RLBP1: variants seen among roughly 807,000 people sequenced by gnomAD.
The protein encoded by RLBP1 is retinaldehyde binding protein 1.
In RLBP1, 26 loss-of-function variants were observed where a neutral mutation model predicts 36.2. The ratio of observed to expected loss-of-function variants is 0.72; its 90% CI spans 0.53 to 1.00. The LOEUF (loss-of-function observed/expected upper bound fraction) is 1.00. Among genes scored for constraint, RLBP1 ranks in the 50% least tolerant of loss-of-function variants. RLBP1 has a pLI of 0.00. For synonymous variants in RLBP1, 155 were observed against 156.2 expected (o/e 0.99, Z 0.06); for missense variants, 410 against 402.4 (o/e 1.02, Z -0.16).
intron 6 of RLBP1, 29 bp downstream of exon 6, chr15:89,215,031 G>A (rs765922962): frequency 1.9e-6 from 3 of 1,612,234 alleles, no homozygotes; most frequent in Non-Finnish European, 2.5e-6. Flanking sequence ...CCAGCCCACA[G>A]GGTGGGAGCC....
In RLBP1 at chr15:89,210,819, C is replaced by T; in HGVS notation, c.685-10G>A. On this transcript the variant is annotated splice_polypyrimidine_tract_variant and intron_variant, in intron 7 of 8. Transcript: ENST00000268125. The surrounding 1 kb of genome is among the most constrained non-coding windows in gnomAD (Gnocchi z 4.7). ...GGGCTGGGAAGGAATCCTGCGGTGA[C>T]AGAGAGATACCCCGTTCCCCATGGC... 6.4e-7 allele frequency: 1 copy of T among 1,554,106 alleles called. No homozygotes were observed. Among genetic ancestry groups the T allele is most frequent in the Non-Finnish European group, 8.8e-7 (1 of 1,141,700 alleles).
Position 89,209,945 on chromosome 15 carries a change from T to C in RLBP1, c.*340A>G. On this transcript the variant is annotated 3_prime_UTR_variant, in exon 9 of 9. Transcript: ENST00000268125. ...ATTTTAACCCGGGCTCCTTGCCTGTTTTCACAGACTCTAAGTCGTAAAACT... is the reference window on the plus strand; with the variant it reads ...ATTTTAACCCGGGCTCCTTGCCTGTCTTCACAGACTCTAAGTCGTAAAACT... 1 of 352,718 alleles carries C rather than the reference T, an allele frequency of 2.8e-6. No homozygotes were observed. The highest frequency in any genetic ancestry group is 3.0e-5 in the South Asian group (1 of 33,528). 21.8% of individuals were successfully genotyped at this position (352,718 alleles called of 1,614,324 possible). A position where few individuals can be genotyped will look rare whatever the true frequency, so the allele number is the denominator to read the frequency against.
rs767601073 is a variant in RLBP1 at position 89,217,224 on chromosome 15, G to T, written c.242C>A (p.Ala81Glu). The T allele has an allele frequency of 6.2e-7, 1 of 1,612,800 alleles. No homozygotes were observed. ...TTGCACCCTCTCCGCCACGGCCACC[G>T]CCAGCTCCTCCCCCGAGGCCGCCTG... Reference protein sequence around the residue: ...QAQAASGEELAVAVAERVQEK... With the variant: ...QAQAASGEELEVAVAERVQEK... Residue 81 changes from alanine to glutamate, a missense_variant, in exon 5 of 9, where the codon GCG becomes GAG. Physicochemically the swap from Ala to Glu is moderately radical, Grantham distance 107 (BLOSUM62 -1). Transcript: ENST00000268125.
intron 5 of RLBP1, among the ~76,000 whole-genome samples, chr15:89,216,793 C>T (rs2051584367): frequency 6.6e-6 from 1 of 152,222 alleles, no homozygotes; most frequent in Admixed American, 6.5e-5. Flanking sequence ...AGAGCCAAAG[C>T]TTAGGTTCTC....
chr15:89,218,854 C>T lies in RLBP1; in HGVS notation c.12+110G>A, dbSNP rs2051604357. On this transcript the variant is annotated intron_variant, in intron 3 of 8. Coordinates refer to ENST00000268125, the MANE Select transcript of RLBP1 (RefSeq NM_000326.5). This position sits in a 1 kb window ranked among gnomAD's most constrained non-coding sequence, Gnocchi z 4.6. ...ACACAGGGGTTATAGAAGTGTGTGC[C>T]TATATTCCCGGGCAGAGCATAAGAT... is the stretch of plus-strand genomic sequence containing the variant. 3.3e-6 allele frequency: 5 copies of T among 1,506,006 alleles called. No homozygotes were observed. Among genetic ancestry groups the T allele is most frequent in the African/African-American group, 1.4e-5 (1 of 72,976 alleles). The allele number at this position is 1,506,006 out of a possible 1,614,324, so 93.3% of individuals were successfully genotyped here. A position where few individuals can be genotyped will look rare whatever the true frequency, so the allele number is the denominator to read the frequency against.
At chr15:89,216,232 T>C (rs1279276594) in intron 5 of RLBP1, among the ~76,000 whole-genome samples, 1 of 152,016 alleles carries the variant, frequency 6.6e-6, no homozygotes, top group Non-Finnish European at 1.5e-5. Context: ...AAAAGGAAAA[T>C]CATTAGCCTG....
At position 89,218,069 on chromosome 15, in the gene RLBP1, C is replaced by G. The variant is rs1464873355; in HGVS notation, c.141+496G>C. On this transcript the variant is annotated intron_variant, in intron 4 of 8. Transcript: ENST00000268125. The surrounding 1 kb of genome is among the most constrained non-coding windows in gnomAD (Gnocchi z 4.6). Reference sequence around the variant, plus strand: ...CCACTTCTCATCCTCCCCAGCAGCCCTAAGACAGCTCTGTCAGCCTCCACA... The same window carrying G: ...CCACTTCTCATCCTCCCCAGCAGCCGTAAGACAGCTCTGTCAGCCTCCACA... Among the ~76,000 whole-genome samples the G allele has an allele frequency of 6.6e-6, 1 of 152,206 alleles. No homozygotes were observed. The highest frequency in any genetic ancestry group is 1.5e-5 in the Non-Finnish European group (1 of 68,038).
At position 89,211,876 on chromosome 15, in the gene RLBP1, A is replaced by G; in HGVS notation, c.551T>C (p.Leu184Pro). ...TTCCTCATTCTCCAGCAGCTTCTCC[A>G]GGATGAAGCAATATGCCTGCAAGAT... ...DEILQAYCFI[L>P]EKLLENEETQ... Residue 184 changes from leucine (L) to proline (P), a missense_variant, in exon 7 of 9, where the codon CTG becomes CCG. Leu to Pro is a moderately conservative substitution (Grantham distance 98, BLOSUM62 -3). Transcript: ENST00000268125. The surrounding 1 kb of genome is among the most constrained non-coding windows in gnomAD (Gnocchi z 5.8). 6.2e-7 allele frequency: 1 copy of G among 1,614,256 alleles called. No individual in the cohort carries two copies. Among genetic ancestry groups the G allele is most frequent in the Non-Finnish European group, 8.5e-7 (1 of 1,180,046 alleles).
Position 89,211,706 on chromosome 15 carries a change from GT to G in RLBP1, c.684+36del. The stretch of plus-strand genomic sequence containing the variant: ...GCCCAGCCTCTCAGCCTCCCCAGCT[GT>G]GGGAGGCTGCCGTGCGACAGAACTC... On this transcript the variant is annotated intron_variant, in intron 7 of 8. Coordinates refer to ENST00000268125, the MANE Select transcript of RLBP1 (RefSeq NM_000326.5). The surrounding 1 kb of genome is among the most constrained non-coding windows in gnomAD (Gnocchi z 5.8). The G allele has an allele frequency of 6.2e-7, 1 of 1,610,040 alleles. No individual in the cohort carries two copies. The highest frequency in any genetic ancestry group is 1.3e-5 in the African/African-American group (1 of 74,958).
chr15:89,218,863 C>A lies in RLBP1; in HGVS notation c.12+101G>T. On this transcript the variant is annotated intron_variant, in intron 3 of 8. Transcript: ENST00000268125. The surrounding 1 kb of genome is among the most constrained non-coding windows in gnomAD (Gnocchi z 4.6). ...TTATAGAAGTGTGTGCCTATATTCC[C>A]GGGCAGAGCATAAGATAGAGAAGTA... The A allele has an allele frequency of 6.6e-7, 1 of 1,521,542 alleles. No homozygotes were observed. Among genetic ancestry groups the A allele is most frequent in the Non-Finnish European group, 9.1e-7 (1 of 1,104,232 alleles). 94.3% of individuals were successfully genotyped at this position (1,521,542 alleles called of 1,614,324 possible).
chr15:89,216,240 C>T (rs2051578370), intron 5 of RLBP1, among the ~76,000 whole-genome samples: 1 of 152,092 alleles, frequency 6.6e-6, no homozygotes, highest in South Asian at 2.1e-4. Flanking sequence ...AATCATTAGC[C>T]TGCAGAGGGC....
Position 89,217,235 on chromosome 15 carries a change from C to T in RLBP1, c.231G>A (p.Gly77=), listed in dbSNP as rs1272041396. 27 of 1,612,518 alleles carry T rather than the reference C, an allele frequency of 1.7e-5. No homozygotes were observed. Among genetic ancestry groups the T allele is most frequent in the Non-Finnish European group, 2.2e-5 (26 of 1,180,020 alleles). Residue 77 remains glycine, a synonymous_variant, in exon 5 of 9, where the codon GGG becomes GGA. Coordinates refer to ENST00000268125, the MANE Select transcript of RLBP1 (RefSeq NM_000326.5). ...QEMVQAQAAS[G]EELAVAVAER... The stretch of plus-strand genomic sequence containing the variant: ...CCGCCACGGCCACCGCCAGCTCCTC[C>T]CCCGAGGCCGCCTGCGCCTGCACCA...
chr15:89,217,032 C>T, intron 5 of RLBP1, 88 bp downstream of exon 5: 1 of 1,380,594 alleles, frequency 7.2e-7, no homozygotes, highest in Non-Finnish European at 1.0e-6. Flanking sequence ...AGTATGGAAG[C>T]AGGCCTGTTC....
At chr15:89,215,347 C>A (rs530413757) in intron 5 of RLBP1, 109 bp from the exon 6 acceptor site, 20 of 1,044,366 alleles carry the variant, frequency 1.9e-5, no homozygotes, top group Non-Finnish European at 2.3e-5. Context: ...TATGTGTGAC[C>A]GAGCTGGCTA....
At position 89,218,493 on chromosome 15, in the gene RLBP1, G is replaced by A; in HGVS notation, c.141+72C>T. On this transcript the variant is annotated intron_variant, in intron 4 of 8. Coordinates refer to ENST00000268125, the MANE Select transcript of RLBP1 (RefSeq NM_000326.5). The surrounding 1 kb of genome is among the most constrained non-coding windows in gnomAD (Gnocchi z 4.6). ...CCGAGGCTGGACCCTTTTCACAGGA[G>A]AGAGAATGCAGTCATGTTCCCCTCA... The A allele has an allele frequency of 1.2e-6, 2 of 1,605,868 alleles. No homozygotes were observed. Among genetic ancestry groups the A allele is most frequent in the Non-Finnish European group, 1.7e-6 (2 of 1,174,134 alleles).
chr15:89,219,112 A>C, intron 2 of RLBP1, 37 bp from the exon 3 acceptor site: 3 of 988,972 alleles, frequency 3.0e-6, no homozygotes, highest in Non-Finnish European at 4.8e-6. Flanking sequence ...TTATTGTCTC[A>C]GAACTGTGGA....
chr15:89,220,770 C>A (rs2051620158), intron 1 of RLBP1, among the ~76,000 whole-genome samples: 1 of 152,126 alleles, frequency 6.6e-6, no homozygotes, highest in African/African-American at 2.4e-5. Flanking sequence ...GCTGGACACC[C>A]CCAGCCAGTT....
chr15:89,215,397 G>C (rs1387989828), intron 5 of RLBP1, among the ~76,000 whole-genome samples, 159 bp from the exon 6 acceptor site: 2 of 152,154 alleles, frequency 1.3e-5, no homozygotes, highest in Non-Finnish European at 2.9e-5. Context: ...TCCAAAAAAT[G>C]GGATCTCGAT....
intron 5 of RLBP1, 59 bp from the exon 6 acceptor site, chr15:89,215,297 C>G: frequency 6.4e-7 from 1 of 1,569,468 alleles, no homozygotes. Context: ...TACCCCATCC[C>G]TCCTAGTGGG....
Sources: allele counts gnomAD v4.1 joint callset (sites outside exome capture counted in the v4.1 genomes callset), GRCh38; gene constraint gnomAD v4.1.1; non-coding constraint Gnocchi (gnomAD v3.1); transcripts MANE v1.5; gene names NCBI Gene and HGNC (gene_info 2026-07-23, HGNC 2026-07-21).